The following NELL1 variants were observed in gnomAD, a reference collection of about 807,000 sequenced individuals.
NELL1 encodes the protein protein kinase C-binding protein NELL1.
A neutral mutation model predicts 107.4 loss-of-function variants in NELL1; 76 were observed. The ratio of observed to expected loss-of-function variants is 0.71; its 90% CI spans 0.59 to 0.86. The LOEUF (loss-of-function observed/expected upper bound fraction) is 0.86, where lower values mean the gene tolerates loss of function less well. Ranked by LOEUF, NELL1 falls within the 40% of genes least tolerant of loss-of-function variation. The pLI is 0.00. For synonymous variants in NELL1, 353 were observed against 341.2 expected, an observed-to-expected ratio of 1.03 and a Z score of -0.38; for missense variants, 1,024 against 1,005.5, an observed-to-expected ratio of 1.02 and a Z score of -0.25.
chr11:21,180,903 C>T (rs775266222), intron 13 of NELL1, among the ~76,000 whole-genome samples: 145 of 151,816 alleles, frequency 9.6e-4, no homozygotes, highest in Non-Finnish European at 1.1e-3. Context: ...TAGAAAACTA[C>T]GTTTTTCTAG....
At chr11:21,453,824 G>C (rs12805463) in intron 15 of NELL1, among the ~76,000 whole-genome samples, 1 of 125,010 alleles carries the variant, frequency 8.0e-6, no homozygotes, top group African/African-American at 3.2e-5. Flanking sequence ...TTTTTTTTTA[G>C]ATTTTGTGCC....
chr11:20,940,056 A>G (rs1453866682), intron 10 of NELL1, among the ~76,000 whole-genome samples: 1 of 152,134 alleles, frequency 6.6e-6, no homozygotes, highest in Non-Finnish European at 1.5e-5. Context: ...AAGGCTTGAC[A>G]TGGCTGGCTA....
chr11:20,704,361 A>G (rs865933906), intron 2 of NELL1, among the ~76,000 whole-genome samples: 1 of 152,086 alleles, frequency 6.6e-6, no homozygotes, highest in Non-Finnish European at 1.5e-5. Flanking sequence ...TGCTTGGCAG[A>G]TCTTCCTCCA....
At chr11:20,899,112 G>A (rs568485613) in intron 5 of NELL1, among the ~76,000 whole-genome samples, 9 of 152,100 alleles carry the variant, frequency 5.9e-5, no homozygotes, top group South Asian at 2.1e-4. Context: ...GTTAGTAAGC[G>A]TATGGATTTA....
At chr11:20,739,455 C>T (rs181761934) in intron 2 of NELL1, among the ~76,000 whole-genome samples, 1 of 152,300 alleles carries the variant, frequency 6.6e-6, no homozygotes, top group East Asian at 1.9e-4. Context: ...TGCTTTGTTG[C>T]TCTTTAAATG....
chr11:20,689,351 G>T (rs1477424496), intron 2 of NELL1, among the ~76,000 whole-genome samples: 2 of 150,912 alleles, frequency 1.3e-5, no homozygotes, highest in African/African-American at 4.9e-5. Flanking sequence ...TAGTTACATA[G>T]GTATACATGT....
intron 17 of NELL1, among the ~76,000 whole-genome samples, chr11:21,569,427 CAAGAT>C (rs1216746761): frequency 1.3e-5 from 2 of 151,178 alleles, no homozygotes; most frequent in Non-Finnish European, 3.0e-5. Flanking sequence ...ATGCATGACA[CAAGAT>C]AAGTATTAAA....
At chr11:20,971,892 G>A (rs1436338870) in intron 12 of NELL1, among the ~76,000 whole-genome samples, 1 of 152,046 alleles carries the variant, frequency 6.6e-6, no homozygotes, top group South Asian at 2.1e-4. Context: ...GGATGAAGCT[G>A]GAAGCCATCA....
At chr11:21,306,790 A>G (rs566827967) in intron 14 of NELL1, among the ~76,000 whole-genome samples, 4 of 152,186 alleles carry the variant, frequency 2.6e-5, no homozygotes, top group African/African-American at 9.6e-5. Flanking sequence ...AAAGAGAAGA[A>G]TATTTTTTTC....
chr11:20,945,803 A>T (rs1182696274), intron 10 of NELL1, among the ~76,000 whole-genome samples: 1 of 152,190 alleles, frequency 6.6e-6, no homozygotes, highest in Non-Finnish European at 1.5e-5. Context: ...ACCACCCATC[A>T]TGGTCTGGAT....
chr11:20,858,866 A>G (rs1057167162), intron 4 of NELL1, among the ~76,000 whole-genome samples: 1 of 152,168 alleles, frequency 6.6e-6, no homozygotes, highest in Non-Finnish European at 1.5e-5. Context: ...TGTGTGGCCT[A>G]TTAGAAGCTC....
intron 13 of NELL1, among the ~76,000 whole-genome samples, chr11:21,227,993 A>T (rs563205370): frequency 6.6e-6 from 1 of 152,216 alleles, no homozygotes; most frequent in Non-Finnish European, 1.5e-5. Flanking sequence ...TGGTTGAATA[A>T]TTCACTTAAC....
intron 12 of NELL1, among the ~76,000 whole-genome samples, chr11:21,100,388 C>T (rs752466875): frequency 2.8e-4 from 42 of 152,148 alleles, no homozygotes; most frequent in African/African-American, 6.5e-4. Context: ...CAACAATCAT[C>T]GCTATTTTCA....
At chr11:20,826,445 G>T (rs947847728) in intron 3 of NELL1, among the ~76,000 whole-genome samples, 1 of 151,234 alleles carries the variant, frequency 6.6e-6, no homozygotes, top group African/African-American at 2.4e-5. Context: ...AAGGAAGATG[G>T]TGAATGTGAC....
chr11:20,675,440 T>C (rs371004875), intron 1 of NELL1, among the ~76,000 whole-genome samples: 6 of 152,176 alleles, frequency 3.9e-5, no homozygotes, highest in African/African-American at 1.4e-4. Context: ...ACCCAAAGTA[T>C]TGATCATGCA....
chr11:21,562,002 A>G (rs79189595), intron 17 of NELL1, among the ~76,000 whole-genome samples: 4,542 of 152,050 alleles, frequency 0.03, 81 homozygotes, highest in Non-Finnish European at 0.047. Context: ...TCAAGAAACT[A>G]TTGTGTTATT....
chr11:21,064,315 C>T (rs528344858), intron 12 of NELL1, among the ~76,000 whole-genome samples: 21 of 152,212 alleles, frequency 1.4e-4, no homozygotes, highest in Admixed American at 3.9e-4. Flanking sequence ...GTGGTAAAAA[C>T]GGACTATAAC....
intron 4 of NELL1, among the ~76,000 whole-genome samples, chr11:20,885,048 G>A (rs1295286410): frequency 6.6e-6 from 1 of 152,182 alleles, no homozygotes; most frequent in Non-Finnish European, 1.5e-5. Context: ...TTAGAGCCAG[G>A]CAGATAAGAG....
chr11:20,808,795 G>C (rs986642057), intron 3 of NELL1, among the ~76,000 whole-genome samples: 7 of 152,180 alleles, frequency 4.6e-5, no homozygotes, highest in Non-Finnish European at 8.8e-5. Flanking sequence ...CCAATGCAAA[G>C]TCCCACAATC....
Sources: gnomAD v4.1 joint callset for allele counts (sites outside exome capture counted in the v4.1 genomes callset) on GRCh38, gnomAD v4.1.1 for gene constraint, MANE v1.5 for transcripts, NCBI Gene and HGNC (gene_info 2026-07-23, HGNC 2026-07-21) for gene names.